Variants in PRICKLE4 observed in about 807,000 individuals in gnomAD.
PRICKLE4 encodes prickle planar cell polarity protein 4, also known as prickle-like protein 4.
PRICKLE4 carries 40 observed loss-of-function variants against 43.5 expected under a neutral mutation model. The observed-to-expected ratio is 0.92, with a 90% CI of 0.71 to 1.20. PRICKLE4 has a LOEUF of 1.20. Among genes scored for constraint, PRICKLE4 ranks in the 50% most tolerant of loss-of-function variants. The pLI, the probability that PRICKLE4 is intolerant of heterozygous loss-of-function variation, is 0.00. For missense variants in PRICKLE4, 527 were observed against 491.2 expected (o/e 1.07, Z -0.69); for synonymous variants, 208 against 197.4 (o/e 1.05, Z -0.45).
chr6:41,784,905 C>T (rs761191142), intron 4 of PRICKLE4, 30 bp from the exon 5 acceptor site: 2 of 1,611,322 alleles, frequency 1.2e-6, no homozygotes, highest in South Asian at 2.2e-5. Context: ...CTGGAGCTCT[C>T]CCAGTAATTG....
chr6:41,782,557 T>A (rs919869139), intron 2 of PRICKLE4, among the ~76,000 whole-genome samples: 63 of 152,022 alleles, frequency 4.1e-4, no homozygotes, highest in Non-Finnish European at 7.2e-4. Context: ...GCCCGGCTAA[T>A]TTTTTTAATA....
At position 41,787,173 on chromosome 6, in the gene PRICKLE4, T is replaced by A. The variant is rs1405190631; in HGVS notation, c.*44T>A. On this transcript the variant is annotated 3_prime_UTR_variant, in exon 8 of 8. Coordinates refer to ENST00000458694, the MANE Select transcript of PRICKLE4 (RefSeq NM_013397.6). ...GGATGTGAGTGGGAGGAAAGGGGTC[T>A]GTAAAGCGGGAGAACAAGGCTAGCC... is the stretch of plus-strand genomic sequence containing the variant. 1.3e-6 allele frequency: 2 copies of A among 1,542,396 alleles called. No homozygotes were observed. The highest frequency in any genetic ancestry group is 4.5e-5 in the East Asian group (2 of 44,380).
chr6:41,781,674 T>G (rs2127304597), intron 2 of PRICKLE4, among the ~76,000 whole-genome samples, 154 bp downstream of exon 2: 1 of 152,232 alleles, frequency 6.6e-6, no homozygotes, highest in South Asian at 2.1e-4. Context: ...CCTGGCCCAG[T>G]CTTAGAGGCC....
At position 41,787,114 on chromosome 6, in the gene PRICKLE4, C is replaced by T. The variant is rs758568702; in HGVS notation, c.1140C>T (p.His380=). 5 of 1,606,190 alleles carry T rather than the reference C, an allele frequency of 3.1e-6. No homozygotes were observed. In the East Asian group the frequency reaches 6.7e-5, roughly 21 times the overall value. The change falls in exon 8 of 8, where the codon CAC becomes CAT. Residue 380 remains histidine (H), a synonymous_variant. Transcript: ENST00000458694. ...QAEDSNASKT[H]CTMC ...AGGACAGCAACGCCTCTAAGACGCACTGCACCATGTGCTAGTGGCGCAGCT... is the reference window on the plus strand; with the variant it reads ...AGGACAGCAACGCCTCTAAGACGCATTGCACCATGTGCTAGTGGCGCAGCT...
At chr6:41,786,539 CG>C in intron 7 of PRICKLE4, 1 of 1,008,292 alleles carries the variant, frequency 9.9e-7, no homozygotes, top group South Asian at 1.4e-5. Flanking sequence ...GAACCCACCC[CG>C]CGCCGCGGTC....
intron 3 of PRICKLE4, 185 bp downstream of exon 3, chr6:41,783,790 C>T (rs1330563168): frequency 2.4e-6 from 2 of 842,470 alleles, no homozygotes; most frequent in South Asian, 1.4e-5. Flanking sequence ...AACTCATTCA[C>T]ATGAGTATTC....
In PRICKLE4 at chr6:41,783,622, C is replaced by T. The variant is rs1196404406; in HGVS notation, c.132+17C>T. 3 of 1,613,110 alleles carry T rather than the reference C, an allele frequency of 1.9e-6. No individual in the cohort carries two copies. In the Admixed American group the frequency reaches 5.0e-5, roughly 27 times the overall value. On this transcript the variant is annotated intron_variant, in intron 3 of 7. Transcript: ENST00000458694. ...CATGCTCAGGTAGTAGAGTCGTGCC[C>T]TTCCTCTGAGACCAACATGTCCTCT...
At position 41,786,216 on chromosome 6, in the gene PRICKLE4, G is replaced by A. The variant is rs1772643770; in HGVS notation, c.671G>A (p.Gly224Asp). 19 of 1,607,766 alleles carry A rather than the reference G, an allele frequency of 1.2e-5. No individual in the cohort carries two copies. The highest frequency in any genetic ancestry group is 1.6e-5 in the Non-Finnish European group (19 of 1,175,370). ...FCCQDCAGPL[G>D]GGRYALPGGS... is the part of the protein sequence containing the mutation. The stretch of plus-strand genomic sequence containing the variant: ...TGCCAGGACTGCGCCGGGCCTCTGG[G>A]CGGGGGACGTTATGCCCTGCCTGGG... The change falls in exon 7 of 8, where the codon GGC (glycine) becomes GAC (aspartate). Residue 224 changes from glycine to aspartate, a missense_variant. By Grantham distance (94) the Gly-to-Asp change is moderately conservative. Coordinates refer to ENST00000458694, the MANE Select transcript of PRICKLE4 (RefSeq NM_013397.6).
At chr6:41,781,844 A>G (rs549576350) in intron 2 of PRICKLE4, among the ~76,000 whole-genome samples, 2 of 152,220 alleles carry the variant, frequency 1.3e-5, no homozygotes, top group African/African-American at 4.8e-5. Flanking sequence ...AGATTACCTC[A>G]TAAGATTATT....
At chr6:41,784,849 C>T in intron 4 of PRICKLE4, 86 bp from the exon 5 acceptor site, 1 of 1,547,834 alleles carries the variant, frequency 6.5e-7, no homozygotes. Context: ...TTCTCTGACC[C>T]AGCAGCCAAG....
chr6:41,782,886 G>C (rs1235582450), intron 2 of PRICKLE4, among the ~76,000 whole-genome samples: 1 of 152,184 alleles, frequency 6.6e-6, no homozygotes, highest in East Asian at 1.9e-4. Context: ...AAAAACATTA[G>C]GTGCTAAATC....
chr6:41,787,287 T>G lies in PRICKLE4; in HGVS notation c.*158T>G. 9.5e-7 allele frequency: 1 copy of G among 1,055,458 alleles called. No homozygotes were observed. 65.4% of individuals were successfully genotyped at this position (1,055,458 alleles called of 1,614,324 possible). On this transcript the variant is annotated 3_prime_UTR_variant, in exon 8 of 8. Coordinates refer to ENST00000458694, the MANE Select transcript of PRICKLE4 (RefSeq NM_013397.6). ...CAAGTTTGGAGTGCGCCCCCTTCAG[T>G]ACTGCGCGTTCTAAGACTTTTGGCG...
Position 41,787,046 on chromosome 6 carries a change from C to G in PRICKLE4, c.1072C>G (p.Arg358Gly). ...ACCTGAAGGATTTTTCTTAGGCGAG[C>G]GCCTTCCCCAGTCCTGGAAGACCCC... is the stretch of plus-strand genomic sequence containing the variant. ...SEPEGFFLGE[R>G]LPQSWKTPGS... is the part of the protein sequence containing the mutation. The change falls in exon 8 of 8, where the codon CGC (arginine) becomes GGC (glycine). Residue 358 changes from arginine (R) to glycine (G), a missense_variant. Transcript: ENST00000458694. 1 of 1,613,812 alleles carries G rather than the reference C, an allele frequency of 6.2e-7. No individual in the cohort carries two copies. The highest frequency in any genetic ancestry group is 1.6e-4 in the Middle Eastern group (1 of 6,062).
At chr6:41,782,627 C>G (rs1772572763) in intron 2 of PRICKLE4, among the ~76,000 whole-genome samples, 1 of 148,830 alleles carries the variant, frequency 6.7e-6, no homozygotes. Context: ...CTCCTGACCT[C>G]GTGATCCGCT....
chr6:41,786,951 G>A lies in PRICKLE4; in HGVS notation c.977G>A (p.Cys326Tyr). 6.2e-7 allele frequency: 1 copy of A among 1,614,114 alleles called. No individual in the cohort carries two copies. Among genetic ancestry groups the A allele is most frequent in the South Asian group, 1.1e-5 (1 of 91,088 alleles). The change falls in exon 8 of 8, where the codon TGC becomes TAC. Residue 326 changes from cysteine (C) to tyrosine (Y), a missense_variant. By Grantham distance (194) the Cys-to-Tyr change is radical (BLOSUM62 -2). Coordinates refer to ENST00000458694, the MANE Select transcript of PRICKLE4 (RefSeq NM_013397.6). Reference sequence around the variant, plus strand: ...GAGGCACCCAAAGGGCAGGAGCAATGCCGCCTGGAGACTATTCGTGATCCC... The same window carrying A: ...GAGGCACCCAAAGGGCAGGAGCAATACCGCCTGGAGACTATTCGTGATCCC... ...KAEAPKGQEQ[C>Y]RLETIRDPKD...
chr6:41,787,373 A>C lies in PRICKLE4; in HGVS notation c.*244A>C, dbSNP rs950048668. The C allele has an allele frequency of 1.6e-6, 1 of 631,048 alleles. No homozygotes were observed. The highest frequency in any genetic ancestry group is 2.6e-6 in the Non-Finnish European group (1 of 378,596). 39.1% of individuals were successfully genotyped at this position (631,048 alleles called of 1,614,324 possible). ...CGCTTCCCCTGCTGAGATAGCCCCT[A>C]CCCCCACCTCCACAGGCTGGGACAG... On this transcript the variant is annotated 3_prime_UTR_variant, in exon 8 of 8. Coordinates refer to ENST00000458694, the MANE Select transcript of PRICKLE4 (RefSeq NM_013397.6).
At chr6:41,786,439 G>C (rs1220125144) in intron 7 of PRICKLE4, 107 bp downstream of exon 7, 2 of 1,310,378 alleles carry the variant, frequency 1.5e-6, no homozygotes, top group South Asian at 2.5e-5. Flanking sequence ...CGTCCCTCCA[G>C]GAGCGCCCCC....
In PRICKLE4 at chr6:41,787,167, G is replaced by A. The variant is rs760033397; in HGVS notation, c.*38G>A. 1.3e-6 allele frequency: 2 copies of A among 1,555,102 alleles called. No individual in the cohort carries two copies. The highest frequency in any genetic ancestry group is 1.7e-6 in the Non-Finnish European group (2 of 1,156,804). Reference sequence around the variant, plus strand: ...GAGAGGGGATGTGAGTGGGAGGAAAGGGGTCTGTAAAGCGGGAGAACAAGG... The same window carrying A: ...GAGAGGGGATGTGAGTGGGAGGAAAAGGGTCTGTAAAGCGGGAGAACAAGG... On this transcript the variant is annotated 3_prime_UTR_variant, in exon 8 of 8. Transcript: ENST00000458694.
chr6:41,782,875 G>A (rs1476663518), intron 2 of PRICKLE4, among the ~76,000 whole-genome samples: 2 of 152,212 alleles, frequency 1.3e-5, no homozygotes, highest in Non-Finnish European at 2.9e-5. Context: ...GGAGCAAAGA[G>A]AAAAACATTA....
Sources: allele counts gnomAD v4.1 joint callset (sites outside exome capture counted in the v4.1 genomes callset), GRCh38; gene constraint gnomAD v4.1.1; transcripts MANE v1.5; gene names NCBI Gene and HGNC (gene_info 2026-07-23, HGNC 2026-07-21).